The following VPS8 variants were observed in gnomAD, a reference collection of about 807,000 sequenced individuals.
VPS8 encodes vacuolar protein sorting-associated protein 8 homolog.
VPS8 carries 129 observed loss-of-function variants against 216.4 expected under a neutral mutation model. The observed-to-expected ratio is 0.60, with a 90% confidence interval of 0.52 to 0.69. The LOEUF is 0.69. VPS8 is among the 30% of genes least tolerant of loss of function. VPS8 has a pLI of 0.00. For missense variants in VPS8, 1,531 were observed against 1,683.5 expected (o/e 0.91, Z 1.59); for synonymous variants, 571 against 565.4 (o/e 1.01, Z -0.14).
chr3:184,916,952 C>T (rs960602998), intron 28 of VPS8, among the ~76,000 whole-genome samples: 1 of 152,108 alleles, frequency 6.6e-6, no homozygotes, highest in Non-Finnish European at 1.5e-5. Context: ...TGGTATATCC[C>T]ATGTATTATC....
chr3:184,881,803 G>A (rs1158972852), intron 21 of VPS8, among the ~76,000 whole-genome samples: 1 of 151,952 alleles, frequency 6.6e-6, no homozygotes, highest in Admixed American at 6.6e-5. Context: ...TAGTATACAG[G>A]TGCTATACAT....
chr3:184,975,088 G>A (rs555141984), intron 40 of VPS8, among the ~76,000 whole-genome samples: 1 of 152,006 alleles, frequency 6.6e-6, no homozygotes, highest in Non-Finnish European at 1.5e-5. Flanking sequence ...TTCTATTTCT[G>A]TGAAAAATGT....
intron 7 of VPS8, chr3:184,840,422 C>T (rs1417732171): frequency 8.6e-5 from 13 of 151,746 alleles, no homozygotes; most frequent in Admixed American, 7.9e-4. Flanking sequence ...TTTTTGTGGC[C>T]GGGCATGGTG....
chr3:184,930,446 A>G, intron 33 of VPS8, 24 bp from the exon 34 acceptor site: 2 of 1,554,620 alleles, frequency 1.3e-6, no homozygotes, highest in Non-Finnish European at 8.9e-7. Context: ...GAATGAATAA[A>G]TTATATTGTC....
intron 45 of VPS8, among the ~76,000 whole-genome samples, chr3:185,015,577 TAAA>T (rs1755673895): frequency 6.6e-6 from 1 of 152,242 alleles, no homozygotes; most frequent in Admixed American, 6.5e-5. Context: ...GACCCATCTG[TAAA>T]AACATTCTCA....
At chr3:185,016,042 G>T (rs189417042) in intron 45 of VPS8, among the ~76,000 whole-genome samples, 2 of 152,188 alleles carry the variant, frequency 1.3e-5, no homozygotes, top group Admixed American at 6.5e-5. Context: ...CTGCCTCAGC[G>T]TCTTTTGTTA....
At chr3:184,997,722 T>C (rs1283722524) in intron 44 of VPS8, among the ~76,000 whole-genome samples, 1 of 152,110 alleles carries the variant, frequency 6.6e-6, no homozygotes, top group Non-Finnish European at 1.5e-5. Flanking sequence ...ACAGAGTGTT[T>C]GGTGGGGGGT....
At chr3:184,974,311 ATT>A (rs1748908862) in intron 40 of VPS8, among the ~76,000 whole-genome samples, 1 of 151,828 alleles carries the variant, frequency 6.6e-6, no homozygotes, top group African/African-American at 2.4e-5. Flanking sequence ...ACGTTGGAAG[ATT>A]TTTTTCATGA....
At chr3:185,020,469 CT>C (rs577443262) in intron 45 of VPS8, among the ~76,000 whole-genome samples, 3,392 of 130,622 alleles carry the variant, frequency 0.026, 53 homozygotes, top group African/African-American at 0.069. Context: ...AAAATTAAGG[CT>C]TTTTTTTTTT....
At chr3:184,957,566 C>T (rs752587929) in intron 37 of VPS8, 45 bp downstream of exon 37, 2 of 1,554,826 alleles carry the variant, frequency 1.3e-6, no homozygotes, top group African/African-American at 1.4e-5. Flanking sequence ...CTCTTCTTAA[C>T]ATTCTCCATT....
chr3:184,982,670 G>A, intron 41 of VPS8, 23 bp downstream of exon 41: 1 of 1,569,706 alleles, frequency 6.4e-7, no homozygotes, highest in Non-Finnish European at 8.7e-7. Flanking sequence ...GAATTCAAGT[G>A]ACTGAGTCCA....
chr3:184,971,144 A>G (rs1748336005), intron 39 of VPS8, among the ~76,000 whole-genome samples: 1 of 152,228 alleles, frequency 6.6e-6, no homozygotes, highest in Non-Finnish European at 1.5e-5. Context: ...GTTCATTAGA[A>G]AATTCAACCT....
chr3:184,957,303 G>A, intron 36 of VPS8, 71 bp from the exon 37 acceptor site: 1 of 1,464,790 alleles, frequency 6.8e-7, no homozygotes, highest in African/African-American at 1.4e-5. Context: ...CTTTTTACTG[G>A]TAGCTTTTAA....
intron 36 of VPS8, among the ~76,000 whole-genome samples, chr3:184,950,926 C>G (rs866784194): frequency 6.6e-6 from 1 of 152,178 alleles, no homozygotes; most frequent in South Asian, 2.1e-4. Flanking sequence ...CATAGTATTG[C>G]ATGGTGTATA....
At chr3:184,852,198 G>T (rs1341579951) in intron 10 of VPS8, among the ~76,000 whole-genome samples, 4 of 152,078 alleles carry the variant, frequency 2.6e-5, no homozygotes, top group Non-Finnish European at 4.4e-5. Context: ...AAAAGTTATT[G>T]TAAGAACCCA....
chr3:185,027,547 G>A (rs907369089), intron 46 of VPS8, among the ~76,000 whole-genome samples: 1 of 152,042 alleles, frequency 6.6e-6, no homozygotes. Flanking sequence ...CGGCTCTTAC[G>A]TTCTTTATGG....
Position 184,936,282 on chromosome 3 carries a change from C to A in VPS8, c.2935C>A (p.Leu979Met), listed in dbSNP as rs771075788. The change falls in exon 35 of 48, where the codon CTG becomes ATG. Residue 979 changes from leucine (L) to methionine (M), a missense_variant. Physicochemically the swap from Leu to Met is conservative, Grantham distance 15. This residue lies in a region of VPS8 where 1,318 missense variants were observed against 1,468.4 expected (regional missense o/e 0.90). Transcript: ENST00000625842. ...VSLKPCKAAE[L>M]VATHFSGHIE... ...CCTGAAGCCTTGTAAAGCTGCGGAGCTGGTTGCCACCCACTTTTCTGGACA... is the reference window on the plus strand; with the variant it reads ...CCTGAAGCCTTGTAAAGCTGCGGAGATGGTTGCCACCCACTTTTCTGGACA... The A allele has an allele frequency of 1.2e-6, 2 of 1,611,712 alleles. No homozygotes were observed. The highest frequency in any genetic ancestry group is 1.7e-6 in the Non-Finnish European group (2 of 1,178,946).
chr3:184,925,799 A>G (rs1035565270), intron 30 of VPS8, among the ~76,000 whole-genome samples: 1 of 138,076 alleles, frequency 7.2e-6, no homozygotes, highest in African/African-American at 2.9e-5. Flanking sequence ...TTTGAGACAG[A>G]GTCTGGCTCT....
At chr3:184,939,193 T>C (rs1426543797) in intron 35 of VPS8, among the ~76,000 whole-genome samples, 1 of 152,122 alleles carries the variant, frequency 6.6e-6, no homozygotes, top group Non-Finnish European at 1.5e-5. Flanking sequence ...CTCTGACCAA[T>C]TGTTTTCAGA....
Sources: gnomAD v4.1 joint callset for allele counts (sites outside exome capture counted in the v4.1 genomes callset) on GRCh38, gnomAD v4.1.1 for gene constraint, gnomAD v4.1.1 regional missense constraint, MANE v1.5 for transcripts, NCBI Gene and HGNC (gene_info 2026-07-23, HGNC 2026-07-21) for gene names.